The following AHNAK variants were observed in gnomAD, a reference collection of about 807,000 sequenced individuals.
AHNAK encodes the protein neuroblast differentiation-associated protein AHNAK.
AHNAK carries 23 observed loss-of-function variants against 37.8 expected under a neutral mutation model. The observed-to-expected ratio is 0.61, with a 90% confidence interval of 0.44 to 0.86. AHNAK has a LOEUF of 0.86. AHNAK is among the 40% of genes least tolerant of loss of function. The pLI is 0.00. For synonymous variants in AHNAK, 2,481 were observed against 2,636.3 expected, an observed-to-expected ratio of 0.94 and a Z score of 1.80; for missense variants, 7,411 against 7,319.4, an observed-to-expected ratio of 1.01 and a Z score of -0.46.
At position 62,498,531 on chromosome 11, in the gene AHNAK, G is replaced by A. The variant is rs141270442; in HGVS notation, c.343-6700C>T. Among the ~76,000 whole-genome samples, 243 of 151,586 alleles carry A rather than the reference G, an allele frequency of 1.6e-3. 5 individuals carry two copies. In the East Asian group the frequency reaches 0.042, roughly 26 times the overall value. Reference sequence around the variant, plus strand: ...CCCAGTGCTTTAGAAGGCCAAGGTGGGAGGATCGCTTGAGGCCAGAAGTTT... The same window carrying A: ...CCCAGTGCTTTAGAAGGCCAAGGTGAGAGGATCGCTTGAGGCCAGAAGTTT... On this transcript the variant is annotated intron_variant, in intron 4 of 5. Coordinates refer to the AHNAK transcript ENST00000257247.
In AHNAK at chr11:62,526,748, C is replaced by T. The variant is rs1940505307; in HGVS notation, c.7669G>A (p.Gly2557Arg). The T allele has an allele frequency of 6.2e-7, 1 of 1,613,846 alleles. No individual in the cohort carries two copies. Among genetic ancestry groups the T allele is most frequent in the African/African-American group, 1.3e-5 (1 of 74,810 alleles). Residue 2557 changes from glycine to arginine, a missense_variant, in exon 5 of 5, where the codon GGA becomes AGA. Coordinates refer to ENST00000378024, the MANE Select transcript of AHNAK (RefSeq NM_001620.3). ...GGCCCTTTCAACTTTCCCTCTGGTCCTTCAATATTAACATCAGGGCCTTCA... is the reference window on the plus strand; with the variant it reads ...GGCCCTTTCAACTTTCCCTCTGGTCTTTCAATATTAACATCAGGGCCTTCA... ...DIEGPDVNIE[G>R]PEGKLKGPKL...
At chr11:62,472,630 C>T (rs1024224649) in intron 5 of AHNAK, among the ~76,000 whole-genome samples, 3 of 152,182 alleles carry the variant, frequency 2.0e-5, no homozygotes, top group Non-Finnish European at 4.4e-5. Context: ...CACCCCCTGC[C>T]ACCATCCTCT....
rs1565194563 is a variant in AHNAK, at chr11:62,439,664, G to GTTTTTTTTTTTT, written c.443-5774_443-5773insAAAAAAAAAAAA. Among the ~76,000 whole-genome samples the GTTTTTTTTTTTT allele has an allele frequency of 1.7e-4, 21 of 126,420 alleles. 5 individuals carry two copies. The highest frequency in any genetic ancestry group is 1.7e-4 in the Admixed American group (2 of 11,520). 82.9% of individuals were successfully genotyped at this position (126,420 alleles called of 152,430 possible). On this transcript the variant is annotated intron_variant, in intron 5 of 5. Coordinates refer to the AHNAK transcript ENST00000257247. ...TTTGGTTTGTTTTGGATTTTTGTGT[G>GTTTTTTTTTTTT]ATTTTTTTTTTTTTTTTTTTTGAGA...
chr11:62,502,855 T>C (rs898466213), intron 4 of AHNAK, among the ~76,000 whole-genome samples: 1 of 152,120 alleles, frequency 6.6e-6, no homozygotes, highest in Admixed American at 6.6e-5. Flanking sequence ...TGAGTGTGGC[T>C]GCAGAGGCCG....
At chr11:62,484,955 A>G (rs981276170) in intron 5 of AHNAK, among the ~76,000 whole-genome samples, 2 of 151,962 alleles carry the variant, frequency 1.3e-5, no homozygotes, top group African/African-American at 4.8e-5. Context: ...ACACCCGGCT[A>G]ATTTTGTATT....
At chr11:62,536,844 T>C (rs1225673837) in intron 1 of AHNAK, among the ~76,000 whole-genome samples, 2 of 152,058 alleles carry the variant, frequency 1.3e-5, no homozygotes, top group Non-Finnish European at 2.9e-5. Flanking sequence ...CATTTCCTCA[T>C]CTGTGAAAAT....
rs11374757 is a variant in AHNAK at position 62,439,089 on chromosome 11, A to ATT, written c.443-5200_443-5199dup. Among the ~76,000 whole-genome samples the ATT allele has an allele frequency of 7.4e-3, 691 of 92,864 alleles. 41 individuals carry two copies. The highest frequency in any genetic ancestry group is 0.038 in the East Asian group (114 of 2,968). The allele number at this position is 92,864 out of a possible 152,430, so 60.9% of individuals were successfully genotyped here. A position where few individuals can be genotyped will look rare whatever the true frequency, so the allele number is the denominator to read the frequency against. On this transcript the variant is annotated intron_variant, in intron 5 of 5. Transcript: ENST00000257247. ...GACACCCATCCCTCTCAGTTTCCCT[A>ATT]TTTTTTTTTTTTTTTTTTTTTTGAG...
At chr11:62,441,014 T>C (rs1938295176) in intron 5 of AHNAK, among the ~76,000 whole-genome samples, 1 of 151,962 alleles carries the variant, frequency 6.6e-6, no homozygotes, top group African/African-American at 2.4e-5. Flanking sequence ...TTTTTTTTTT[T>C]TTTGAGACAA....
At position 62,526,199 on chromosome 11, in the gene AHNAK, C is replaced by T. The variant is rs1321083425; in HGVS notation, c.8218G>A (p.Glu2740Lys). Residue 2740 changes from glutamate (E) to lysine (K), a missense_variant, in exon 5 of 5, where the codon GAA becomes AAA. Coordinates refer to ENST00000378024, the MANE Select transcript of AHNAK (RefSeq NM_001620.3). ...ACTTTTGGGCCCTTGATGTCAACTT[C>T]TGGGCCCTTGAGGTCACCTTCCACT... ...PKVEGDLKGP[E>K]VDIKGPKVDI... 6.2e-7 allele frequency: 1 copy of T among 1,613,928 alleles called. No individual in the cohort carries two copies. The highest frequency in any genetic ancestry group is 8.5e-7 in the Non-Finnish European group (1 of 1,179,996).
At chr11:62,479,298 G>A (rs1387972108) in intron 5 of AHNAK, among the ~76,000 whole-genome samples, 1 of 151,046 alleles carries the variant, frequency 6.6e-6, no homozygotes, top group African/African-American at 2.4e-5. Flanking sequence ...CTCCCGAGTA[G>A]CTGGGATTAC....
At chr11:62,504,192 AAG>A (rs988836167) in intron 4 of AHNAK, among the ~76,000 whole-genome samples, 17 of 152,040 alleles carry the variant, frequency 1.1e-4, no homozygotes, top group African/African-American at 4.1e-4. Flanking sequence ...GAGAAAGAAA[AAG>A]AAAGAAAGAA....
At chr11:62,512,316 C>T (rs1220092148), downstream of AHNAK, among the ~76,000 whole-genome samples, 1 of 152,206 alleles carries the variant, frequency 6.6e-6, no homozygotes, top group Non-Finnish European at 1.5e-5. This position sits in a 1 kb window ranked among gnomAD's most constrained non-coding sequence, Gnocchi z 4.0. Context: ...GCAGGCAGTT[C>T]TGGCAGATGC....
rs762583341 is a variant in AHNAK at position 62,517,526 on chromosome 11, C to T, written c.16891G>A (p.Gly5631Ser). Reference protein sequence around the residue: ...GPKVEGGVKGGQIGLQAPGLS... With the variant: ...GPKVEGGVKGSQIGLQAPGLS... ...CCAGGAGCCTGGAGTCCAATCTGACCTCCTTTCACACCTCCTTCCACCTTT... is the reference window on the plus strand; with the variant it reads ...CCAGGAGCCTGGAGTCCAATCTGACTTCCTTTCACACCTCCTTCCACCTTT... Residue 5631 changes from glycine to serine, a missense_variant, in exon 5 of 5, where the codon GGT (glycine) becomes AGT (serine). By Grantham distance (56) the Gly-to-Ser change is moderately conservative (BLOSUM62 0). Transcript: ENST00000378024. 8.7e-6 allele frequency: 14 copies of T among 1,614,174 alleles called. No individual in the cohort carries two copies. Among genetic ancestry groups the T allele is most frequent in the Non-Finnish European group, 1.2e-5 (14 of 1,180,020 alleles).
At chr11:62,534,340 G>C (rs1940875213) in intron 4 of AHNAK, among the ~76,000 whole-genome samples, 1 of 152,152 alleles carries the variant, frequency 6.6e-6, no homozygotes, top group Non-Finnish European at 1.5e-5. Context: ...CTCTTGGACT[G>C]GGAGGATTTC....
intron 5 of AHNAK, among the ~76,000 whole-genome samples, chr11:62,457,470 A>G (rs985123784): frequency 6.6e-5 from 10 of 151,550 alleles, no homozygotes; most frequent in Non-Finnish European, 1.2e-4. Flanking sequence ...AGACAAAACA[A>G]AATATGAAAA....
chr11:62,471,165 AC>A lies in AHNAK; in HGVS notation c.442+20566del, dbSNP rs554106726. 3.1e-4 allele frequency among the ~76,000 whole-genome samples: 47 copies of A among 152,216 alleles called. No homozygotes were observed. In the South Asian group the frequency reaches 9.7e-3, roughly 32 times the overall value. ...TCTGACTGCAAACACAGTCCAAGCT[AC>A]CCTGGAGCAGAGTTTCTTAATAGTG... On this transcript the variant is annotated intron_variant, in intron 5 of 5. Coordinates refer to the AHNAK transcript ENST00000257247.
chr11:62,517,633 C>T lies in AHNAK; in HGVS notation c.16784G>A (p.Gly5595Asp), dbSNP rs1262973725. 14 of 1,614,156 alleles carry T rather than the reference C, an allele frequency of 8.7e-6. No individual in the cohort carries two copies. The highest frequency in any genetic ancestry group is 1.1e-5 in the Non-Finnish European group (13 of 1,180,034). Reference protein sequence around the residue: ...EGHLSVKGSGGEWKGPQVSSA... With the variant: ...EGHLSVKGSGDEWKGPQVSSA... Reference sequence around the variant, plus strand: ...GGAGACTTGGGGTCCCTTCCACTCACCCCCGGAACCTTTAACACTCAAATG... The same window carrying T: ...GGAGACTTGGGGTCCCTTCCACTCATCCCCGGAACCTTTAACACTCAAATG... Residue 5595 changes from glycine (G) to aspartate (D), a missense_variant, in exon 5 of 5, where the codon GGT (glycine) becomes GAT (aspartate). Physicochemically the swap from Gly to Asp is moderately conservative, Grantham distance 94 (BLOSUM62 -1). Coordinates refer to ENST00000378024, the MANE Select transcript of AHNAK (RefSeq NM_001620.3).
In AHNAK at chr11:62,527,221, T is replaced by C. The variant is rs1221687833; in HGVS notation, c.7196A>G (p.Lys2399Arg). ...ATCTACATCCACCTCTCCTTTTGCC[T>C]TGGGGCTCTTCAAGTGTAGATCGAG... ...PDLDLHLKSP[K>R]AKGEVDVDVP... is the part of the protein sequence containing the mutation. The change falls in exon 5 of 5, where the codon AAG (lysine) becomes AGG (arginine). Residue 2399 changes from lysine (K) to arginine (R), a missense_variant. By Grantham distance (26) the Lys-to-Arg change is conservative (BLOSUM62 2). Transcript: ENST00000378024. The C allele has an allele frequency of 1.9e-6, 3 of 1,612,940 alleles. No homozygotes were observed. The highest frequency in any genetic ancestry group is 3.3e-5 in the Admixed American group (2 of 59,852).
At chr11:62,540,375 G>A (rs746381487) in intron 1 of AHNAK, among the ~76,000 whole-genome samples, 4 of 152,222 alleles carry the variant, frequency 2.6e-5, no homozygotes, top group Non-Finnish European at 5.9e-5. Flanking sequence ...GAGTTTTATG[G>A]GATGGCACTG....
Sources: gnomAD v4.1 joint callset for allele counts (sites outside exome capture counted in the v4.1 genomes callset) on GRCh38, gnomAD v4.1.1 for gene constraint, Gnocchi (gnomAD v3.1) non-coding constraint, MANE v1.5 for transcripts, NCBI Gene and HGNC (gene_info 2026-07-23, HGNC 2026-07-21) for gene names.